The following KCTD19 variants were observed in gnomAD, a reference collection of about 807,000 sequenced individuals.
KCTD19 encodes the protein potassium channel tetramerization domain containing 19, also known as BTB/POZ domain-containing protein KCTD19.
A neutral mutation model predicts 103.5 loss-of-function variants in KCTD19; 67 were observed. That is an observed-to-expected ratio of 0.65 (90% CI 0.53 to 0.79). KCTD19 has a LOEUF of 0.79. KCTD19 is among the 30% of genes least tolerant of loss of function. KCTD19 has a pLI of 0.00. For missense variants in KCTD19, 980 were observed against 1,136.1 expected (o/e 0.86, Z 1.98); for synonymous variants, 439 against 452.2 (o/e 0.97, Z 0.37).
In KCTD19 at chr16:67,326,734, G is replaced by T; in HGVS notation, c.-27C>A. Reference sequence around the variant, plus strand: ...GTCGCGGCTCCAGCAGCGGGCGGGCGGGCTTGTGACCCGGCCAATAACGGT... The same window carrying T: ...GTCGCGGCTCCAGCAGCGGGCGGGCTGGCTTGTGACCCGGCCAATAACGGT... On this transcript the variant is annotated 5_prime_UTR_variant, in exon 1 of 16. Transcript: ENST00000304372. 1 of 1,570,686 alleles carries T rather than the reference G, an allele frequency of 6.4e-7. No individual in the cohort carries two copies.
Position 67,291,652 on chromosome 16 carries a change from G to C in KCTD19, c.2404C>G (p.Pro802Ala). The change falls in exon 13 of 16, where the codon CCC (proline) becomes GCC (alanine). Residue 802 changes from proline (P) to alanine (A), a missense_variant. Transcript: ENST00000304372. Reference protein sequence around the residue: ...RHTTPTASPQPQEVTFLSFSL... With the variant: ...RHTTPTASPQAQEVTFLSFSL... Reference sequence around the variant, plus strand: ...CCTGGCTCCAGAGCCTCACCTTGGGGCTGGGGACTGGCTGTGGGTGTTGTG... The same window carrying C: ...CCTGGCTCCAGAGCCTCACCTTGGGCCTGGGGACTGGCTGTGGGTGTTGTG... 1.2e-6 allele frequency: 2 copies of C among 1,613,506 alleles called. No homozygotes were observed. The highest frequency in any genetic ancestry group is 1.7e-6 in the Non-Finnish European group (2 of 1,179,622).
chr16:67,320,538 T>C lies in KCTD19; in HGVS notation c.300+51A>G. The stretch of plus-strand genomic sequence containing the variant: ...TATAACAGGAAACAATATTTAGTGA[T>C]GTAAAGCCATGTTACTGATCCACCA... On this transcript the variant is annotated intron_variant, in intron 2 of 15. Coordinates refer to ENST00000304372, the MANE Select transcript of KCTD19 (RefSeq NM_001100915.3). This position sits in a 1 kb window ranked among gnomAD's most constrained non-coding sequence, Gnocchi z 4.0. 1.3e-6 allele frequency: 2 copies of C among 1,554,812 alleles called. No individual in the cohort carries two copies. The highest frequency in any genetic ancestry group is 1.2e-5 in the South Asian group (1 of 86,228).
intron 2 of KCTD19, among the ~76,000 whole-genome samples, chr16:67,319,052 G>A (rs888829731): frequency 1.8e-4 from 28 of 151,906 alleles, no homozygotes; most frequent in Non-Finnish European, 2.6e-4. Flanking sequence ...GTGAAACCCC[G>A]TCTCTACTAC....
intron 2 of KCTD19, among the ~76,000 whole-genome samples, chr16:67,315,939 C>A (rs1344192322): frequency 1.3e-5 from 2 of 152,150 alleles, no homozygotes; most frequent in African/African-American, 2.4e-5. Flanking sequence ...TCTGTAAGTT[C>A]TTTCCCCAGA....
chr16:67,319,241 A>G (rs1371830575), intron 2 of KCTD19, among the ~76,000 whole-genome samples: 1 of 152,142 alleles, frequency 6.6e-6, no homozygotes, highest in Admixed American at 6.5e-5. Flanking sequence ...AAAAAAAAAA[A>G]GAAAATTTCT....
At chr16:67,305,618 G>A (rs2036883874) in intron 2 of KCTD19, 1 of 455,406 alleles carries the variant, frequency 2.2e-6, no homozygotes. Context: ...AGTCCTGCAG[G>A]GGGCAGATTA....
rs775790651 is a variant in KCTD19 at position 67,294,553 on chromosome 16, C to T, written c.1590+27G>A. ...CGGTGGTAGTGGTTTTTGAGGATAA[C>T]ACCAACCAGAGGAGGCTGGTGCTTA... On this transcript the variant is annotated intron_variant, in intron 11 of 15. Transcript: ENST00000304372. The T allele has an allele frequency of 6.6e-6, 10 of 1,523,176 alleles. No homozygotes were observed. The Admixed American group carries it at 8.4e-5, about 13-fold the overall frequency. The allele number at this position is 1,523,176 out of a possible 1,614,324, so 94.4% of individuals were successfully genotyped here. A position where few individuals can be genotyped will look rare whatever the true frequency, so the allele number is the denominator to read the frequency against.
intron 5 of KCTD19, chr16:67,301,126 A>G (rs1344127421): frequency 2.6e-5 from 4 of 152,480 alleles, no homozygotes; most frequent in African/African-American, 4.8e-5. Flanking sequence ...CTTGCGCCCT[A>G]TAACATGCAC....
chr16:67,294,963 G>A lies in KCTD19; in HGVS notation c.1475+10C>T, dbSNP rs1365769977. 1 of 1,601,356 alleles carries A rather than the reference G, an allele frequency of 6.2e-7. No individual in the cohort carries two copies. Among genetic ancestry groups the A allele is most frequent in the Admixed American group, 1.7e-5 (1 of 59,968 alleles). ...ATTCTAAACATAGAGTCGTGATAAA[G>A]TTTTCTTACTTGTATGCTTCACATT... On this transcript the variant is annotated intron_variant, in intron 10 of 15. Transcript: ENST00000304372.
At position 67,304,454 on chromosome 16, in the gene KCTD19, A is replaced by G. The variant is rs143573730; in HGVS notation, c.418T>C (p.Ser140Pro). Reference sequence around the variant, plus strand: ...GCTGGGCTTTTAATTGGAAATTCTGAGGGTTTGCTAATACACTTCCATGTA... The same window carrying G: ...GCTGGGCTTTTAATTGGAAATTCTGGGGGTTTGCTAATACACTTCCATGTA... ...WRTWKCISKP[S>P]EFPIKSPAFT... The change falls in exon 3 of 16, where the codon TCA becomes CCA. Residue 140 changes from serine (S) to proline (P), a missense_variant. Physicochemically the swap from Ser to Pro is moderately conservative, Grantham distance 74. Transcript: ENST00000304372. The G allele has an allele frequency of 1.2e-6, 2 of 1,613,960 alleles. No individual in the cohort carries two copies. The highest frequency in any genetic ancestry group is 2.2e-5 in the South Asian group (2 of 91,078).
chr16:67,296,127 A>T (rs367893241), intron 8 of KCTD19, 32 bp downstream of exon 8: 2 of 1,305,346 alleles, frequency 1.5e-6, no homozygotes, highest in Non-Finnish European at 2.2e-6. Flanking sequence ...GTGATGCCAG[A>T]TGGGGAGCAG....
intron 1 of KCTD19, 141 bp downstream of exon 1, chr16:67,326,564 A>T (rs2037175725): frequency 8.8e-7 from 1 of 1,141,088 alleles, no homozygotes; most frequent in African/African-American, 1.6e-5. Flanking sequence ...AGCCCCCCAA[A>T]TCCTTCCCGG....
In KCTD19 at chr16:67,293,540, T is replaced by A; in HGVS notation, c.2218+4A>T. 6.2e-7 allele frequency: 1 copy of A among 1,612,682 alleles called. No individual in the cohort carries two copies. Among genetic ancestry groups the A allele is most frequent in the Non-Finnish European group, 8.5e-7 (1 of 1,179,142 alleles). ...GACTTAGATCAAAGGGGGACAGGAC[T>A]CACCTCTCTCCTTGGTCCTCTGCTT... On this transcript the variant is annotated splice_donor_region_variant and intron_variant, in intron 12 of 15. Coordinates refer to ENST00000304372, the MANE Select transcript of KCTD19 (RefSeq NM_001100915.3). The surrounding 1 kb of genome is among the most constrained non-coding windows in gnomAD (Gnocchi z 4.0).
At position 67,298,030 on chromosome 16, in the gene KCTD19, G is replaced by T. The variant is rs370680116; in HGVS notation, c.987-367C>A. Among the ~76,000 whole-genome samples, 28 of 129,998 alleles carry T rather than the reference G, an allele frequency of 2.2e-4. No homozygotes were observed. In the East Asian group the frequency reaches 3.3e-3, roughly 15 times the overall value. 85.3% of individuals were successfully genotyped at this position (129,998 alleles called of 152,430 possible). A position where few individuals can be genotyped will look rare whatever the true frequency, so the allele number is the denominator to read the frequency against. ...TTTTTTTGAGACGGAGTCTAACTCT[G>T]TCACCCAGGCTGGAGTGCAGTGGCG... On this transcript the variant is annotated intron_variant, in intron 6 of 15. Transcript: ENST00000304372.
chr16:67,290,421 A>C (rs910965115), intron 15 of KCTD19, among the ~76,000 whole-genome samples: 6 of 151,676 alleles, frequency 4.0e-5, no homozygotes, highest in African/African-American at 1.5e-4. Flanking sequence ...CTCATGATCC[A>C]CCCGCCTCGG....
intron 6 of KCTD19, among the ~76,000 whole-genome samples, chr16:67,298,384 T>C (rs1264330008): frequency 6.6e-6 from 1 of 152,138 alleles, no homozygotes. Flanking sequence ...CTTGACTTAT[T>C]TCAGCAAAGC....
At chr16:67,307,389 C>T (rs2036905173) in intron 2 of KCTD19, among the ~76,000 whole-genome samples, 1 of 149,616 alleles carries the variant, frequency 6.7e-6, no homozygotes, top group African/African-American at 2.5e-5. Context: ...TCTTGACTTA[C>T]TGCAACCTCC....
At chr16:67,290,827 G>T (rs1036406885) in intron 15 of KCTD19, 58 bp downstream of exon 15, 1 of 1,451,026 alleles carries the variant, frequency 6.9e-7, no homozygotes, top group Non-Finnish European at 9.4e-7. Context: ...CAAGACACAC[G>T]TCCATCTGAG....
intron 2 of KCTD19, among the ~76,000 whole-genome samples, chr16:67,314,830 TAGAGAGAGAG>T (rs71145965): frequency 2.7e-4 from 9 of 33,650 alleles, no homozygotes; most frequent in African/African-American, 4.3e-4. Context: ...TATATATATA[TAGAGAGAGAG>T]AGAGAGAGAG....
Sources: allele counts gnomAD v4.1 joint callset (sites outside exome capture counted in the v4.1 genomes callset), GRCh38; gene constraint gnomAD v4.1.1; non-coding constraint Gnocchi (gnomAD v3.1); transcripts MANE v1.5; gene names NCBI Gene and HGNC (gene_info 2026-07-23, HGNC 2026-07-21).